Variants in ODAD2 observed in about 807,000 individuals in gnomAD.
ODAD2 encodes outer dynein arm docking complex subunit 2.
ODAD2 carries 89 observed loss-of-function variants against 106.8 expected under a neutral mutation model. The observed-to-expected ratio is 0.83, with a 90% CI of 0.70 to 0.99. The LOEUF (loss-of-function observed/expected upper bound fraction) is 0.99, where lower values mean the gene tolerates loss of function less well. ODAD2 is among the 50% of genes least tolerant of loss of function. The pLI is 0.00. For missense variants in ODAD2, 1,168 were observed against 1,238.5 expected, an observed-to-expected ratio of 0.94 and a Z score of 0.85; for synonymous variants, 404 against 436.2, an observed-to-expected ratio of 0.93 and a Z score of 0.92.
chr10:27,874,371 G>A (rs545806949), intron 17 of ODAD2, among the ~76,000 whole-genome samples: 23 of 152,232 alleles, frequency 1.5e-4, no homozygotes, highest in Middle Eastern at 3.4e-3. Flanking sequence ...GGTTAATATT[G>A]TTATGTGTGA....
chr10:27,914,612 A>G (rs1336715287), intron 16 of ODAD2, among the ~76,000 whole-genome samples: 2 of 152,062 alleles, frequency 1.3e-5, no homozygotes, highest in Non-Finnish European at 2.9e-5. Flanking sequence ...TTAATGACCA[A>G]TTTGTGGTTA....
intron 10 of ODAD2, among the ~76,000 whole-genome samples, chr10:27,956,067 G>A (rs1847708183): frequency 6.6e-6 from 1 of 152,140 alleles, no homozygotes; most frequent in Non-Finnish European, 1.5e-5. Context: ...TGTGAAAGGT[G>A]AAATCCACGC....
intron 17 of ODAD2, among the ~76,000 whole-genome samples, chr10:27,863,157 C>T (rs1003795682): frequency 1.3e-5 from 2 of 152,152 alleles, no homozygotes; most frequent in South Asian, 4.1e-4. Context: ...GAACTCATGG[C>T]CAACAGCATT....
At chr10:27,933,346 A>C (rs1035970449) in intron 16 of ODAD2, among the ~76,000 whole-genome samples, 1 of 152,354 alleles carries the variant, frequency 6.6e-6, no homozygotes, top group South Asian at 2.1e-4. Context: ...TGGGGCCATA[A>C]GACAAAATGC....
chr10:27,929,136 G>A (rs1845447001), intron 16 of ODAD2, among the ~76,000 whole-genome samples: 1 of 152,032 alleles, frequency 6.6e-6, no homozygotes, highest in African/African-American at 2.4e-5. Context: ...AAAATACAAA[G>A]CATTAACAAA....
chr10:27,893,278 T>C (rs1259454580), intron 17 of ODAD2, among the ~76,000 whole-genome samples: 1 of 152,138 alleles, frequency 6.6e-6, no homozygotes, highest in Non-Finnish European at 1.5e-5. Flanking sequence ...AACACATACA[T>C]CTGAAAATGT....
At chr10:27,910,703 G>A (rs1167463088) in intron 16 of ODAD2, among the ~76,000 whole-genome samples, 1 of 152,118 alleles carries the variant, frequency 6.6e-6, no homozygotes. Context: ...GTTGCAGTGA[G>A]CCCAGATTGC....
Position 27,887,203 on chromosome 10 carries a change from C to T in ODAD2, c.2610+20460G>A, listed in dbSNP as rs970560696. Among the ~76,000 whole-genome samples the T allele has an allele frequency of 9.1e-4, 138 of 151,874 alleles. 1 individual carries two copies. Among genetic ancestry groups the T allele is most frequent in the Non-Finnish European group, 8.8e-5 (6 of 67,870 alleles). ...CATGCAAATAGTAATTAAAAGAGAG[C>T]AAGATTGTCCATACCAATAACAGAC... is the stretch of plus-strand genomic sequence containing the variant. On this transcript the variant is annotated intron_variant, in intron 17 of 19. Transcript: ENST00000305242.
chr10:27,969,734 A>G (rs1848711700), intron 8 of ODAD2, among the ~76,000 whole-genome samples: 1 of 152,220 alleles, frequency 6.6e-6, no homozygotes, highest in Non-Finnish European at 1.5e-5. Context: ...GTGATCAACC[A>G]GGAATCAGTT....
At position 27,944,816 on chromosome 10, in the gene ODAD2, C is replaced by T. The variant is rs777223399; in HGVS notation, c.1533G>A (p.Lys511=). 1.9e-6 allele frequency: 3 copies of T among 1,614,090 alleles called. No homozygotes were observed. Among genetic ancestry groups the T allele is most frequent in the Admixed American group, 3.3e-5 (2 of 60,008 alleles). Residue 511 remains lysine, a splice_region_variant and synonymous_variant, in exon 11 of 20, where the codon AAG becomes AAA. Coordinates refer to ENST00000305242, the MANE Select transcript of ODAD2 (RefSeq NM_018076.5). ...CATCCAAGGTGACAGAGCCACTCACCTTACATTTGACTTCATCGGTTTCAA... is the reference window on the plus strand; with the variant it reads ...CATCCAAGGTGACAGAGCCACTCACTTTACATTTGACTTCATCGGTTTCAA... ...NLLETDEVKC[K]IGSLKILKEI...
chr10:27,825,487 T>C (rs906833713), intron 19 of ODAD2, among the ~76,000 whole-genome samples: 11 of 152,246 alleles, frequency 7.2e-5, no homozygotes, highest in African/African-American at 2.7e-4. Context: ...TGCCTAATAC[T>C]GAACTCAGAA....
chr10:27,863,911 T>A (rs2133357155), intron 17 of ODAD2, among the ~76,000 whole-genome samples: 1 of 151,878 alleles, frequency 6.6e-6, no homozygotes, highest in South Asian at 2.1e-4. Flanking sequence ...TCTTGAAGGG[T>A]CTCACCTTTA....
At chr10:27,936,914 T>C (rs1460299447) in intron 14 of ODAD2, 34 bp from the exon 15 acceptor site, 3 of 1,561,704 alleles carry the variant, frequency 1.9e-6, no homozygotes, top group Non-Finnish European at 2.6e-6. Flanking sequence ...CTGTCAGTCA[T>C]CAAGGAATAT....
rs542186721 is a variant in ODAD2 at position 27,921,576 on chromosome 10, A to G, written c.2495+13434T>C. ...TTTGCTGGGATTCCTGACAACTCATATATCTATATGCATATATAAATGGAT... is the reference window on the plus strand; with the variant it reads ...TTTGCTGGGATTCCTGACAACTCATGTATCTATATGCATATATAAATGGAT... On this transcript the variant is annotated intron_variant, in intron 16 of 19. Coordinates refer to ENST00000305242, the MANE Select transcript of ODAD2 (RefSeq NM_018076.5). 6.6e-5 allele frequency among the ~76,000 whole-genome samples: 10 copies of G among 152,054 alleles called. No individual in the cohort carries two copies. In the East Asian group the frequency reaches 1.5e-3, roughly 24 times the overall value.
intron 17 of ODAD2, among the ~76,000 whole-genome samples, chr10:27,869,928 A>G (rs1273035305): frequency 6.6e-6 from 1 of 152,122 alleles, no homozygotes; most frequent in Non-Finnish European, 1.5e-5. Context: ...GACACCTCTA[A>G]GCTACTCAAG....
intron 19 of ODAD2, among the ~76,000 whole-genome samples, chr10:27,815,059 C>T (rs997130899): frequency 6.6e-6 from 1 of 152,178 alleles, no homozygotes; most frequent in Non-Finnish European, 1.5e-5. Flanking sequence ...AATAAGGTCT[C>T]CTTCATAAAC....
intron 19 of ODAD2, among the ~76,000 whole-genome samples, chr10:27,825,927 T>C (rs1428782561): frequency 6.6e-6 from 1 of 152,162 alleles, no homozygotes; most frequent in Non-Finnish European, 1.5e-5. Flanking sequence ...TGACACCTCA[T>C]CCTCATAGAA....
chr10:27,822,219 A>G (rs1246961790), intron 19 of ODAD2, among the ~76,000 whole-genome samples: 3 of 152,198 alleles, frequency 2.0e-5, no homozygotes, highest in African/African-American at 7.2e-5. Context: ...CAATTTTTAC[A>G]TTTCCATTTA....
chr10:27,815,711 A>G (rs1836078130), intron 19 of ODAD2, among the ~76,000 whole-genome samples: 1 of 152,212 alleles, frequency 6.6e-6, no homozygotes, highest in African/African-American at 2.4e-5. Context: ...AAAAATTGTT[A>G]GAGTTCATCA....
Sources: gnomAD v4.1 joint callset for allele counts (sites outside exome capture counted in the v4.1 genomes callset) on GRCh38, gnomAD v4.1.1 for gene constraint, MANE v1.5 for transcripts, NCBI Gene and HGNC (gene_info 2026-07-23, HGNC 2026-07-21) for gene names.